Variants in PDK1 observed in about 807,000 individuals in gnomAD.
The protein encoded by PDK1 is pyruvate dehydrogenase kinase 1.
In PDK1, 39 loss-of-function variants were observed where a neutral mutation model predicts 54.2. That is an observed-to-expected ratio of 0.72 (90% confidence interval 0.56 to 0.94). The LOEUF is 0.94. Among genes scored for constraint, PDK1 ranks in the 40% least tolerant of loss-of-function variants. The pLI is 0.00. For missense variants in PDK1, 552 were observed against 566.0 expected, an observed-to-expected ratio of 0.98 and a Z score of 0.25; for synonymous variants, 221 against 207.1, an observed-to-expected ratio of 1.07 and a Z score of -0.58.
chr2:172,578,420 GT>G (rs890451576), intron 8 of PDK1, among the ~76,000 whole-genome samples: 4 of 151,740 alleles, frequency 2.6e-5, no homozygotes, highest in East Asian at 1.9e-4. Flanking sequence ...TATCTATCCT[GT>G]TTTTTTCACC....
At chr2:172,567,919 A>G (rs147589343) in intron 6 of PDK1, among the ~76,000 whole-genome samples, 3 of 152,392 alleles carry the variant, frequency 2.0e-5, no homozygotes, top group African/African-American at 7.2e-5. Flanking sequence ...GTTTAAATGT[A>G]GAATTAATTA....
intron 5 of PDK1, 142 bp from the exon 6 acceptor site, chr2:172,566,712 AGC>A: frequency 1.3e-5 from 6 of 473,068 alleles, no homozygotes; most frequent in South Asian, 6.9e-5. Flanking sequence ...AAAAAAAAAA[AGC>A]AGACTTTCAC....
At chr2:172,689,465 C>T in the PDK1 span, among the ~76,000 whole-genome samples, 8 of 152,176 alleles carry the variant, frequency 5.3e-5, no homozygotes, top group Non-Finnish European at 1.2e-4. Flanking sequence ...TATCAAGCTA[C>T]CAATGACTTT....
In PDK1 at chr2:172,598,959, G is replaced by C. The variant is rs1043626996; in HGVS notation, c.*2990G>C. On this transcript the variant is annotated 3_prime_UTR_variant, in exon 11 of 11. Coordinates refer to ENST00000282077, the MANE Select transcript of PDK1 (RefSeq NM_002610.5). ...ATCTTCAGTAGAGAGGAACTGTTTG[G>C]AACTTAGATTTCCAATGTGTATATT... The C allele has an allele frequency of 1.3e-5, 2 of 152,064 alleles. No homozygotes were observed. The highest frequency in any genetic ancestry group is 4.2e-4 in the South Asian group (2 of 4,818). 9.4% of individuals were successfully genotyped at this position (152,064 alleles called of 1,614,324 possible).
At chr2:172,579,532 T>TTC (rs1689773214) in intron 8 of PDK1, among the ~76,000 whole-genome samples, 1 of 148,554 alleles carries the variant, frequency 6.7e-6, no homozygotes, top group East Asian at 1.9e-4. Context: ...TTTCTTTTTT[T>TTC]TTTTTTTTTT....
In PDK1 at chr2:172,562,382, C is replaced by T. The variant is rs1194058272; in HGVS notation, c.410+91C>T. 2 of 801,658 alleles carry T rather than the reference C, an allele frequency of 2.5e-6. 1 individual carries two copies. Among genetic ancestry groups the T allele is most frequent in the Non-Finnish European group, 4.4e-6 (2 of 459,600 alleles). The allele number at this position is 801,658 out of a possible 1,614,324, so 49.7% of individuals were successfully genotyped here. A position where few individuals can be genotyped will look rare whatever the true frequency, so the allele number is the denominator to read the frequency against. On this transcript the variant is annotated intron_variant, in intron 3 of 10. Coordinates refer to ENST00000282077, the MANE Select transcript of PDK1 (RefSeq NM_002610.5). ...CTTTTAGGTTTCTACTACTTTAGAA[C>T]ATGTGATATATGTGACTGTAGCAGC...
At chr2:172,632,492 GAA>G in the PDK1 span, among the ~76,000 whole-genome samples, 1 of 152,086 alleles carries the variant, frequency 6.6e-6, no homozygotes, top group Non-Finnish European at 1.5e-5. Flanking sequence ...ATTTGTGATG[GAA>G]GATCCAGTAC....
chr2:172,696,640 T>C, the PDK1 span, among the ~76,000 whole-genome samples: 1 of 152,234 alleles, frequency 6.6e-6, no homozygotes, highest in Non-Finnish European at 1.5e-5. Flanking sequence ...TCCTAATTGA[T>C]AGCTTATTTT....
At chr2:172,560,498 G>A (rs1042280649) in intron 2 of PDK1, among the ~76,000 whole-genome samples, 1 of 152,180 alleles carries the variant, frequency 6.6e-6, no homozygotes, top group African/African-American at 2.4e-5. Flanking sequence ...GGATGCTGAG[G>A]CACATAAAGG....
chr2:172,575,712 C>T (rs1689541725), intron 8 of PDK1, among the ~76,000 whole-genome samples: 2 of 152,072 alleles, frequency 1.3e-5, no homozygotes, highest in South Asian at 4.2e-4. Flanking sequence ...ATCCCAGCTA[C>T]TCGAGAAGCT....
chr2:172,624,937 G>A, the PDK1 span, among the ~76,000 whole-genome samples: 5 of 151,742 alleles, frequency 3.3e-5, no homozygotes, highest in African/African-American at 4.8e-5. Context: ...GCAGTGAGCC[G>A]AGATCGCACC....
the PDK1 span, among the ~76,000 whole-genome samples, chr2:172,707,933 A>T: frequency 1.3e-5 from 2 of 152,266 alleles, no homozygotes; most frequent in African/African-American, 4.8e-5. Context: ...CAATTCTCCA[A>T]CCAGTATATA....
the PDK1 span, among the ~76,000 whole-genome samples, chr2:172,698,845 A>C: frequency 6.6e-6 from 1 of 152,154 alleles, no homozygotes; most frequent in South Asian, 2.1e-4. Context: ...CTTGCAGGAG[A>C]GTCTCAGGTA....
At chr2:172,654,854 A>C in the PDK1 span, among the ~76,000 whole-genome samples, 1 of 152,160 alleles carries the variant, frequency 6.6e-6, no homozygotes, top group Non-Finnish European at 1.5e-5. Flanking sequence ...GGCTAGGGAT[A>C]AGCTGTAAGG....
the PDK1 span, among the ~76,000 whole-genome samples, chr2:172,617,392 CT>C: frequency 6.6e-6 from 1 of 151,970 alleles, no homozygotes; most frequent in Non-Finnish European, 1.5e-5. Context: ...CTATTTTGTG[CT>C]GCTATAACAG....
At chr2:172,616,684 A>G in the PDK1 span, among the ~76,000 whole-genome samples, 6 of 152,192 alleles carry the variant, frequency 3.9e-5, no homozygotes, top group Non-Finnish European at 8.8e-5. Flanking sequence ...ATTTACTTAT[A>G]TGTGATGGGT....
At chr2:172,700,192 T>C in the PDK1 span, among the ~76,000 whole-genome samples, 1 of 152,172 alleles carries the variant, frequency 6.6e-6, no homozygotes, top group African/African-American at 2.4e-5. Flanking sequence ...CATCTCTCTT[T>C]CTTTTCCCCA....
the PDK1 span, among the ~76,000 whole-genome samples, chr2:172,711,987 T>G: frequency 6.6e-6 from 1 of 151,754 alleles, no homozygotes; most frequent in African/African-American, 2.4e-5. Flanking sequence ...TTAAAAGATG[T>G]TACATATATA....
the PDK1 span, among the ~76,000 whole-genome samples, chr2:172,638,186 C>T: frequency 6.6e-6 from 1 of 152,182 alleles, no homozygotes; most frequent in African/African-American, 2.4e-5. Flanking sequence ...GGACTGCTGC[C>T]ATGGTCAGAG....
Sources: allele counts gnomAD v4.1 joint callset (sites outside exome capture counted in the v4.1 genomes callset), GRCh38; gene constraint gnomAD v4.1.1; transcripts MANE v1.5; gene names NCBI Gene and HGNC (gene_info 2026-07-23, HGNC 2026-07-21).